Variants in IL1RAPL1 observed in about 807,000 individuals in gnomAD.
IL1RAPL1 encodes the protein interleukin-1 receptor accessory protein-like 1.
Under a neutral mutation model 48.4 loss-of-function variants are expected in IL1RAPL1, and 3 were observed. The observed-to-expected ratio is 0.06, with a 90% CI of 0.03 to 0.16. IL1RAPL1 has a LOEUF of 0.16. Ranked by LOEUF, IL1RAPL1 falls within the 10% of genes least tolerant of loss-of-function variation. The probability of loss-of-function intolerance (pLI) is 1.00; values close to 1 mark genes in which losing one functional copy is unlikely to be tolerated. For synonymous variants in IL1RAPL1, 185 were observed against 187.7 expected, an observed-to-expected ratio of 0.99 and a Z score of 0.12; for missense variants, 349 against 530.6, an observed-to-expected ratio of 0.66 and a Z score of 3.36.
At chrX:29,294,075 T>G (rs754687334) in intron 3 of IL1RAPL1, among the ~76,000 whole-genome samples, 1 of 109,817 alleles carries the variant, frequency 9.1e-6, no homozygotes, top group African/African-American at 3.3e-5. Context: ...TCTCATGGAA[T>G]GTAGAGAAGA....
intron 2 of IL1RAPL1, among the ~76,000 whole-genome samples, chrX:28,799,786 T>G (rs893631440): frequency 8.9e-6 from 1 of 111,995 alleles, no homozygotes; most frequent in Non-Finnish European, 1.9e-5. Context: ...TGTTTGGAGA[T>G]GAATTGTGAA....
At chrX:29,881,259 C>T (rs886997898) in intron 6 of IL1RAPL1, among the ~76,000 whole-genome samples, 1 of 111,131 alleles carries the variant, frequency 9.0e-6, no homozygotes, top group East Asian at 2.8e-4. Flanking sequence ...CACCACCAAG[C>T]TGTCAGGGAG....
Position 29,956,613 on chromosome X carries a change from A to G in IL1RAPL1, c.*793A>G. The stretch of plus-strand genomic sequence containing the variant: ...GAAGATCAAGGGCATGAAATTGGGG[A>G]AGAGTGTTATTTCCGTTTTTTAAAT... On this transcript the variant is annotated 3_prime_UTR_variant, in exon 11 of 11. Transcript: ENST00000378993. 9.5e-6 allele frequency: 1 copy of G among 105,738 alleles called. No homozygotes were observed. Among genetic ancestry groups the G allele is most frequent in the Middle Eastern group, 4.8e-3 (1 of 210 alleles). 8.7% of individuals were successfully genotyped at this position (105,738 alleles called of 1,213,427 possible).
At chrX:28,890,531 A>G (rs1018420731) in intron 2 of IL1RAPL1, among the ~76,000 whole-genome samples, 3 of 112,018 alleles carry the variant, frequency 2.7e-5, no homozygotes, top group Non-Finnish European at 5.7e-5. Context: ...TTATTTTTCT[A>G]TTGGAAAAAC....
chrX:29,375,648 G>T (rs1273359971), intron 3 of IL1RAPL1, among the ~76,000 whole-genome samples: 3 of 111,845 alleles, frequency 2.7e-5, no homozygotes, highest in Non-Finnish European at 5.6e-5. Flanking sequence ...GCCAAGATAG[G>T]CTATTAAATT....
At chrX:28,992,799 T>C (rs1925641584) in intron 2 of IL1RAPL1, among the ~76,000 whole-genome samples, 1 of 112,001 alleles carries the variant, frequency 8.9e-6, no homozygotes, top group Non-Finnish European at 1.9e-5. Context: ...TGGTAAAAAG[T>C]AAATCAGGGA....
At chrX:29,594,113 A>G (rs185450738) in intron 5 of IL1RAPL1, among the ~76,000 whole-genome samples, 21 of 112,681 alleles carry the variant, frequency 1.9e-4, no homozygotes, top group Admixed American at 4.7e-4. Context: ...TGGTGTATAG[A>G]AATCTAATGA....
chrX:28,933,848 C>A (rs1750322248), intron 2 of IL1RAPL1, among the ~76,000 whole-genome samples: 1 of 111,695 alleles, frequency 9.0e-6, no homozygotes, highest in Non-Finnish European at 1.9e-5. Context: ...GATCCTCCCC[C>A]TTTTAAACCA....
intron 2 of IL1RAPL1, among the ~76,000 whole-genome samples, chrX:29,081,427 T>G (rs183122708): frequency 8.9e-4 from 99 of 110,829 alleles, no homozygotes; most frequent in Non-Finnish European, 1.3e-3. Flanking sequence ...GGCCTCAAAC[T>G]CCTGGGCTCA....
chrX:29,603,561 G>GT (rs1178078083), intron 5 of IL1RAPL1, among the ~76,000 whole-genome samples: 1 of 111,446 alleles, frequency 9.0e-6, no homozygotes, highest in East Asian at 2.8e-4. Context: ...AGCCCAATCA[G>GT]TTTTTTTATT....
At chrX:29,240,683 C>T (rs1931407656) in intron 2 of IL1RAPL1, among the ~76,000 whole-genome samples, 1 of 111,480 alleles carries the variant, frequency 9.0e-6, no homozygotes, top group Non-Finnish European at 1.9e-5. Flanking sequence ...ACTTTGAATC[C>T]ATTTGAGGCC....
intron 5 of IL1RAPL1, among the ~76,000 whole-genome samples, chrX:29,475,671 T>G (rs763283696): frequency 8.9e-6 from 1 of 111,948 alleles, no homozygotes; most frequent in Non-Finnish European, 1.9e-5. Flanking sequence ...AAATGTGCAT[T>G]TCAGAGCAAG....
At chrX:28,673,825 G>A (rs1569149620) in intron 1 of IL1RAPL1, among the ~76,000 whole-genome samples, 2 of 111,736 alleles carry the variant, frequency 1.8e-5, no homozygotes, top group South Asian at 3.8e-4. Context: ...TTCACAAATC[G>A]TCTAGGATTG....
chrX:29,292,765 A>G (rs1932390623), intron 3 of IL1RAPL1, among the ~76,000 whole-genome samples: 2 of 111,009 alleles, frequency 1.8e-5, no homozygotes, highest in Non-Finnish European at 3.8e-5. Flanking sequence ...AATTGAAACC[A>G]TAGTATACCC....
intron 2 of IL1RAPL1, among the ~76,000 whole-genome samples, chrX:28,882,028 A>G (rs1476343687): frequency 6.3e-5 from 7 of 110,512 alleles, no homozygotes; most frequent in Non-Finnish European, 1.1e-4. Context: ...TAAATTCAAG[A>G]AATTCAATGA....
At chrX:29,022,107 C>CTTTA (rs1926383711) in intron 2 of IL1RAPL1, among the ~76,000 whole-genome samples, 1 of 111,599 alleles carries the variant, frequency 9.0e-6, no homozygotes, top group Admixed American at 9.6e-5. Context: ...TCACCAGCTC[C>CTTTA]TTCAGCAAGT....
intron 1 of IL1RAPL1, among the ~76,000 whole-genome samples, chrX:28,738,479 A>C (rs1256929175): frequency 1.8e-5 from 2 of 111,319 alleles, no homozygotes; most frequent in Non-Finnish European, 3.8e-5. Flanking sequence ...GGGGAGAGTT[A>C]TGTGGTGTCT....
intron 6 of IL1RAPL1, among the ~76,000 whole-genome samples, chrX:29,680,184 G>A (rs1926407277): frequency 9.0e-6 from 1 of 110,953 alleles, no homozygotes; most frequent in Non-Finnish European, 1.9e-5. Flanking sequence ...GAGTGGTGCT[G>A]GCCTTAAGAA....
At chrX:28,709,808 A>G (rs924631958) in intron 1 of IL1RAPL1, among the ~76,000 whole-genome samples, 8 of 111,579 alleles carry the variant, frequency 7.2e-5, no homozygotes, top group African/African-American at 2.6e-4. Context: ...TTAGGCAAGC[A>G]ATTTTGCAAC....
Sources: gnomAD v4.1 joint callset for allele counts (sites outside exome capture counted in the v4.1 genomes callset) on GRCh38, gnomAD v4.1.1 for gene constraint, MANE v1.5 for transcripts, NCBI Gene and HGNC (gene_info 2026-07-23, HGNC 2026-07-21) for gene names.